Variants in TEX10 observed in about 807,000 individuals in gnomAD.
TEX10 encodes the protein testis-expressed protein 10.
TEX10 carries 24 observed loss-of-function variants against 104.4 expected under a neutral mutation model. The observed-to-expected ratio is 0.23, with a 90% CI of 0.17 to 0.32. The LOEUF is 0.32. Among genes scored for constraint, TEX10 ranks in the 10% least tolerant of loss-of-function variants. The pLI is 1.00. For synonymous variants in TEX10, 396 were observed against 393.4 expected (o/e 1.01, Z -0.08); for missense variants, 921 against 1,083.9 (o/e 0.85, Z 2.11).
intron 11 of TEX10, 119 bp downstream of exon 11, chr9:100,320,146 G>T: frequency 1.1e-6 from 1 of 935,194 alleles, no homozygotes; most frequent in South Asian, 3.5e-5. Flanking sequence ...AAGATTATAA[G>T]CACTTTAAAC....
At chr9:100,327,710 A>T in intron 8 of TEX10, 77 bp downstream of exon 8, 1 of 1,235,570 alleles carries the variant, frequency 8.1e-7, no homozygotes, top group Non-Finnish European at 1.1e-6. Context: ...AAAATTACAG[A>T]GCTCCCCTTA....
chr9:100,349,154 T>G (rs556951292), intron 2 of TEX10, 30 bp downstream of exon 2: 3 of 1,501,048 alleles, frequency 2.0e-6, no homozygotes, highest in Non-Finnish European at 2.7e-6. Context: ...AAGAAAATCT[T>G]ATTTTGTCAA....
rs1303655683 is a variant in TEX10, at chr9:100,329,971, C to T, written c.1449G>A (p.Leu483=). 6.2e-7 allele frequency: 1 copy of T among 1,613,746 alleles called. No individual in the cohort carries two copies. The highest frequency in any genetic ancestry group is 1.3e-5 in the African/African-American group (1 of 74,922). Residue 483 remains leucine (L), a synonymous_variant, in exon 6 of 15, where the codon CTG becomes CTA. Transcript: ENST00000374902. ...RLNSKQLNRL[L]GVSWRLMQIQ... Reference sequence around the variant, plus strand: ...TTTGCATTAACCTCCAGGATACTCCCAGCAATCTGTTCAGTTGCTTACTAT... The same window carrying T: ...TTTGCATTAACCTCCAGGATACTCCTAGCAATCTGTTCAGTTGCTTACTAT...
chr9:100,336,563 G>C (rs1225634331), intron 5 of TEX10, among the ~76,000 whole-genome samples: 1 of 152,086 alleles, frequency 6.6e-6, no homozygotes, highest in Admixed American at 6.6e-5. Flanking sequence ...TCTAGTTGCA[G>C]GAAAACAAGC....
chr9:100,343,839 T>C (rs1835234988), intron 4 of TEX10, among the ~76,000 whole-genome samples: 1 of 152,184 alleles, frequency 6.6e-6, no homozygotes, highest in Non-Finnish European at 1.5e-5. Flanking sequence ...CAATGCTATT[T>C]GGTTCCTCCT....
intron 6 of TEX10, 37 bp downstream of exon 6, chr9:100,329,894 C>T (rs1177222380): frequency 6.7e-7 from 1 of 1,483,578 alleles, no homozygotes; most frequent in African/African-American, 1.4e-5. Flanking sequence ...CATGTAAGAG[C>T]TCCACTCTTA....
intron 11 of TEX10, among the ~76,000 whole-genome samples, chr9:100,311,617 A>G (rs1237512546): frequency 1.3e-5 from 2 of 152,232 alleles, no homozygotes; most frequent in African/African-American, 2.4e-5. Context: ...AAATACAAAT[A>G]TCCTGTTCAA....
At chr9:100,352,266 G>C (rs1442685324) in intron 1 of TEX10, among the ~76,000 whole-genome samples, 1 of 152,170 alleles carries the variant, frequency 6.6e-6, no homozygotes, top group Non-Finnish European at 1.5e-5. Flanking sequence ...TTCCCAAAAA[G>C]CAAATGGCCC....
intron 1 of TEX10, chr9:100,352,394 G>C (rs1835476836): frequency 6.4e-7 from 1 of 1,551,734 alleles, no homozygotes; most frequent in Non-Finnish European, 8.7e-7. Context: ...ATTCGGTCCT[G>C]CATCCATCCC....
intron 4 of TEX10, among the ~76,000 whole-genome samples, chr9:100,344,252 A>G (rs892877010): frequency 2.6e-5 from 4 of 152,166 alleles, no homozygotes; most frequent in African/African-American, 9.7e-5. Flanking sequence ...TAAACTTACC[A>G]TTATATGTTA....
At chr9:100,322,545 A>T (rs1178626218) in intron 9 of TEX10, among the ~76,000 whole-genome samples, 3 of 152,202 alleles carry the variant, frequency 2.0e-5, no homozygotes, top group African/African-American at 7.2e-5. Context: ...AAACAAAATT[A>T]GGAACTTCTA....
intron 4 of TEX10, among the ~76,000 whole-genome samples, chr9:100,341,330 C>T (rs548327558): frequency 1.2e-4 from 19 of 152,298 alleles, no homozygotes; most frequent in African/African-American, 2.6e-4. Flanking sequence ...GACTTCTAAA[C>T]GTTTGGATCT....
chr9:100,327,746 G>T (rs1834743921), intron 8 of TEX10, 41 bp downstream of exon 8: 1 of 1,466,842 alleles, frequency 6.8e-7, no homozygotes, highest in Middle Eastern at 1.8e-4. Flanking sequence ...TATCAGGGTG[G>T]ATCAATGACT....
rs1237917788 is a variant in TEX10, at chr9:100,346,927, A to G, written c.660T>C (p.Ser220=). The G allele has an allele frequency of 6.2e-7, 1 of 1,614,224 alleles. No homozygotes were observed. Among genetic ancestry groups the G allele is most frequent in the East Asian group, 2.2e-5 (1 of 44,888 alleles). ...CTAAGACTTTCAGCCTCCATTGCTGAGAAGTGAGTCTCCGATTAGGATTTA... is the reference window on the plus strand; with the variant it reads ...CTAAGACTTTCAGCCTCCATTGCTGGGAAGTGAGTCTCCGATTAGGATTTA... ...LSVNPNRRLT[S]QQWRLKVLVR... The change falls in exon 3 of 15, where the codon TCT becomes TCC. Residue 220 remains serine (S), a synonymous_variant. Transcript: ENST00000374902.
chr9:100,331,814 TG>T (rs2118893720), intron 5 of TEX10, among the ~76,000 whole-genome samples: 1 of 152,272 alleles, frequency 6.6e-6, no homozygotes, highest in East Asian at 1.9e-4. Context: ...AGACAAGAGA[TG>T]GCAAGTCCAA....
rs1291592678 is a variant in TEX10 at position 100,321,748 on chromosome 9, T to C, written c.2003A>G (p.Tyr668Cys). 1.2e-6 allele frequency: 2 copies of C among 1,612,454 alleles called. No homozygotes were observed. The highest frequency in any genetic ancestry group is 1.3e-5 in the African/African-American group (1 of 75,004). Residue 668 changes from tyrosine to cysteine, a missense_variant, in exon 10 of 15, where the codon TAT (tyrosine) becomes TGT (cysteine). By Grantham distance (194) the Tyr-to-Cys change is radical (BLOSUM62 -2). This residue lies in a region of TEX10 where 753 missense variants were observed against 868.4 expected (regional missense o/e 0.87). Coordinates refer to ENST00000374902, the MANE Select transcript of TEX10 (RefSeq NM_017746.4). The part of the protein sequence containing the change: ...HMRSSFSGWK[Y>C]SAKDWLMSDV... ...ACTCATCAACCAGTCTTTAGCTGAA[T>C]ACTTCCACCCAGAAAATGATGATCT...
chr9:100,304,704 C>CAA (rs1374713825), intron 13 of TEX10: 3 of 151,966 alleles, frequency 2.0e-5, no homozygotes, highest in African/African-American at 4.8e-5. Flanking sequence ...ACTACAGATA[C>CAA]AAAATTAGCC....
intron 4 of TEX10, among the ~76,000 whole-genome samples, chr9:100,345,551 G>A (rs548127057): frequency 6.6e-6 from 1 of 152,236 alleles, no homozygotes; most frequent in African/African-American, 2.4e-5. Flanking sequence ...ACTTAATCTT[G>A]CAGCTTGTTC....
chr9:100,338,375 C>A (rs1835064763), intron 5 of TEX10, among the ~76,000 whole-genome samples: 1 of 152,168 alleles, frequency 6.6e-6, no homozygotes, highest in Admixed American at 6.5e-5. Flanking sequence ...TGGGCCCCAG[C>A]CCTATGGGGT....
Sources: gnomAD v4.1 joint callset for allele counts (sites outside exome capture counted in the v4.1 genomes callset) on GRCh38, gnomAD v4.1.1 for gene constraint, gnomAD v4.1.1 regional missense constraint, MANE v1.5 for transcripts, NCBI Gene and HGNC (gene_info 2026-07-23, HGNC 2026-07-21) for gene names.